GLI2: variants seen among roughly 807,000 people sequenced by gnomAD.
The protein encoded by GLI2 is GLI family zinc finger 2.
GLI2 carries 22 observed loss-of-function variants against 78.9 expected under a neutral mutation model. The observed-to-expected ratio is 0.28, with a 90% CI of 0.20 to 0.40. GLI2 has a LOEUF of 0.40. GLI2 is among the 10% of genes least tolerant of loss of function. The pLI, the probability that GLI2 is intolerant of heterozygous loss-of-function variation, is 1.00. For synonymous variants in GLI2, 974 were observed against 963.7 expected, an observed-to-expected ratio of 1.01 and a Z score of -0.20; for missense variants, 2,097 against 2,213.2, an observed-to-expected ratio of 0.95 and a Z score of 1.05.
At chr2:120,977,445 C>G (rs1682507386) in intron 9 of GLI2, among the ~76,000 whole-genome samples, 1 of 152,164 alleles carries the variant, frequency 6.6e-6, no homozygotes, top group Non-Finnish European at 1.5e-5. Context: ...GTAGTTTGCA[C>G]TTCTAGCCCA....
chr2:120,823,589 G>A (rs1685890486), intron 2 of GLI2, among the ~76,000 whole-genome samples: 1 of 152,210 alleles, frequency 6.6e-6, no homozygotes, highest in South Asian at 2.1e-4. Context: ...GATGTGGGGA[G>A]CACACAGAAG....
intron 1 of GLI2, among the ~76,000 whole-genome samples, chr2:120,777,721 G>A (rs561008534): frequency 6.7e-6 from 1 of 149,056 alleles, no homozygotes; most frequent in Non-Finnish European, 1.5e-5. Context: ...GCAGAGCCTA[G>A]TGTGGTCAGA....
In GLI2 at chr2:120,850,296, G is replaced by GAGAAC. The variant is rs36215027; in HGVS notation, c.148+52850_148+52854dup. 1.0e-3 allele frequency among the ~76,000 whole-genome samples: 153 copies of GAGAAC among 151,264 alleles called. 1 individual carries two copies. Among genetic ancestry groups the GAGAAC allele is most frequent in the Non-Finnish European group, 2.0e-3 (136 of 67,770 alleles). ...GCTTCTGAAAACTTCTAGAGAAGGG[G>GAGAAC]AGAACAGAACAGAACAGAACAGAAC... On this transcript the variant is annotated intron_variant, in intron 2 of 13. Transcript: ENST00000361492.
At chr2:120,810,002 A>G (rs1685162402) in intron 2 of GLI2, among the ~76,000 whole-genome samples, 1 of 152,148 alleles carries the variant, frequency 6.6e-6, no homozygotes, top group South Asian at 2.1e-4. Flanking sequence ...CCCTGTGAGC[A>G]TTTCAGGGTG....
At chr2:120,805,904 T>C (rs1448342596) in intron 2 of GLI2, among the ~76,000 whole-genome samples, 1 of 152,274 alleles carries the variant, frequency 6.6e-6, no homozygotes, top group African/African-American at 2.4e-5. Flanking sequence ...TTAACACGGC[T>C]GTGCCAGGCA....
intron 8 of GLI2, chr2:120,972,638 G>A (rs558375231): frequency 7.7e-6 from 4 of 518,912 alleles, no homozygotes; most frequent in South Asian, 5.6e-5. Flanking sequence ...TGGGAGAAGT[G>A]CCTGACTGGG....
At chr2:120,736,705 G>A (rs1459359070) in intron 1 of GLI2, among the ~76,000 whole-genome samples, 1 of 152,046 alleles carries the variant, frequency 6.6e-6, no homozygotes, top group Non-Finnish European at 1.5e-5. Flanking sequence ...GAGCGTGTCT[G>A]CGGGCGTACT....
chr2:120,788,013 G>A (rs1684045710), intron 1 of GLI2, among the ~76,000 whole-genome samples: 1 of 152,222 alleles, frequency 6.6e-6, no homozygotes, highest in African/African-American at 2.4e-5. Context: ...GCAGCCTCCA[G>A]GCACTGCTCA....
chr2:120,828,366 C>T (rs898497959), intron 2 of GLI2, among the ~76,000 whole-genome samples: 1 of 152,258 alleles, frequency 6.6e-6, no homozygotes. Context: ...GAGCTCTCAA[C>T]CCCAGACAGA....
chr2:120,911,460 A>G (rs970540479), intron 2 of GLI2, among the ~76,000 whole-genome samples: 5 of 151,678 alleles, frequency 3.3e-5, no homozygotes, highest in African/African-American at 1.2e-4. Context: ...GCTGACTCCT[A>G]GAAACTGCTC....
At chr2:120,909,882 A>C (rs943890547) in intron 2 of GLI2, among the ~76,000 whole-genome samples, 2 of 152,190 alleles carry the variant, frequency 1.3e-5, no homozygotes, top group Non-Finnish European at 2.9e-5. Context: ...AATAAAATAA[A>C]ATTTTAAAAT....
At chr2:120,840,429 C>T (rs1686812668) in intron 2 of GLI2, among the ~76,000 whole-genome samples, 1 of 152,018 alleles carries the variant, frequency 6.6e-6, no homozygotes, top group African/African-American at 2.4e-5. Flanking sequence ...TGCATGGGCA[C>T]TTTGTAATTT....
At chr2:120,942,954 A>G (rs1421954519) in intron 3 of GLI2, among the ~76,000 whole-genome samples, 1 of 149,988 alleles carries the variant, frequency 6.7e-6, no homozygotes, top group Non-Finnish European at 1.5e-5. Flanking sequence ...TCACTCATTC[A>G]TTCATTCGTT....
chr2:120,886,194 GT>G, intron 2 of GLI2, among the ~76,000 whole-genome samples: 1 of 39,266 alleles, frequency 2.5e-5, no homozygotes, highest in East Asian at 3.6e-4. Context: ...GTGTGTGTGT[GT>G]GTGTGTGTGT....
chr2:120,923,646 C>T (rs989331509), intron 2 of GLI2, among the ~76,000 whole-genome samples: 8 of 152,058 alleles, frequency 5.3e-5, no homozygotes. Context: ...CACAGCAACG[C>T]ACATACACAT....
chr2:120,780,444 G>A lies in GLI2; in HGVS notation c.-30-16847G>A, dbSNP rs1683810549. Reference sequence around the variant, plus strand: ...GGGAGGAAGACAGGGAGGGAAGGAGGAAGGAAGGAGAGAGAGAAGCTCAGC... The same window carrying A: ...GGGAGGAAGACAGGGAGGGAAGGAGAAAGGAAGGAGAGAGAGAAGCTCAGC... On this transcript the variant is annotated intron_variant, in intron 1 of 13. Coordinates refer to ENST00000361492, the MANE Select transcript of GLI2 (RefSeq NM_001374353.1). 2.0e-5 allele frequency among the ~76,000 whole-genome samples: 3 copies of A among 152,232 alleles called. No homozygotes were observed. The South Asian group carries it at 6.2e-4, about 32-fold the overall frequency.
intron 2 of GLI2, among the ~76,000 whole-genome samples, chr2:120,886,915 C>G (rs184653945): frequency 5.9e-5 from 9 of 152,310 alleles, no homozygotes; most frequent in African/African-American, 1.9e-4. Context: ...CGAGGCACAT[C>G]CAAGATGCCT....
intron 2 of GLI2, among the ~76,000 whole-genome samples, chr2:120,808,463 T>G (rs1447594434): frequency 6.6e-6 from 1 of 152,042 alleles, no homozygotes; most frequent in African/African-American, 2.4e-5. Flanking sequence ...AGCACTGGAG[T>G]ACCTGTGCCT....
At chr2:120,824,900 A>G (rs111315401) in intron 2 of GLI2, among the ~76,000 whole-genome samples, 1 of 152,096 alleles carries the variant, frequency 6.6e-6, no homozygotes, top group South Asian at 2.1e-4. Context: ...CGGTGACACA[A>G]TCGTGGCCCA....
Sources: gnomAD v4.1 joint callset for allele counts (sites outside exome capture counted in the v4.1 genomes callset) on GRCh38, gnomAD v4.1.1 for gene constraint, MANE v1.5 for transcripts, NCBI Gene and HGNC (gene_info 2026-07-23, HGNC 2026-07-21) for gene names.